Variants in DENND11 observed in about 807,000 individuals in gnomAD.
DENND11 encodes the protein DENN domain containing 11.
A neutral mutation model predicts 49.2 loss-of-function variants in DENND11; 34 were observed. The observed-to-expected ratio is 0.69, with a 90% confidence interval of 0.53 to 0.92. The LOEUF is 0.92. Among genes scored for constraint, DENND11 ranks in the 40% least tolerant of loss-of-function variants. The pLI is 0.00. For missense variants in DENND11, 475 were observed against 581.6 expected (o/e 0.82, Z 1.88); for synonymous variants, 238 against 230.3 (o/e 1.03, Z -0.30).
At chr7:141,699,541 C>T (rs1798471901) in intron 1 of DENND11, among the ~76,000 whole-genome samples, 3 of 152,030 alleles carry the variant, frequency 2.0e-5, no homozygotes. Context: ...ACTGCTTTCC[C>T]CCCACAAAAA....
chr7:141,689,459 A>G (rs953540009), intron 1 of DENND11, among the ~76,000 whole-genome samples: 1 of 152,198 alleles, frequency 6.6e-6, no homozygotes, highest in Non-Finnish European at 1.5e-5. Flanking sequence ...TCAGCAGGGA[A>G]GGGGAAGAAA....
chr7:141,667,009 C>T (rs1024450627), intron 4 of DENND11, among the ~76,000 whole-genome samples: 1 of 152,206 alleles, frequency 6.6e-6, no homozygotes, highest in Non-Finnish European at 1.5e-5. Context: ...ACTGCAACCT[C>T]TACCTCCTGG....
At chr7:141,683,937 T>C (rs190699767) in intron 3 of DENND11, among the ~76,000 whole-genome samples, 1 of 152,336 alleles carries the variant, frequency 6.6e-6, no homozygotes, top group Admixed American at 6.5e-5. Flanking sequence ...TTTTTATTTT[T>C]TTATTTTTTA....
At chr7:141,680,621 TGG>T (rs1798135036) in intron 3 of DENND11, among the ~76,000 whole-genome samples, 1 of 151,490 alleles carries the variant, frequency 6.6e-6, no homozygotes, top group African/African-American at 2.4e-5. Context: ...TGAACAGAGG[TGG>T]TGTGTTCAAC....
intron 1 of DENND11, among the ~76,000 whole-genome samples, chr7:141,698,602 A>G (rs1441525687): frequency 6.6e-6 from 1 of 152,172 alleles, no homozygotes; most frequent in African/African-American, 2.4e-5. Flanking sequence ...AATAAGCTTT[A>G]AGACTCTTTC....
chr7:141,687,622 A>G (rs1422537733), intron 1 of DENND11, among the ~76,000 whole-genome samples: 4 of 130,164 alleles, frequency 3.1e-5, no homozygotes, highest in East Asian at 4.8e-4. Flanking sequence ...ATACCAGCAC[A>G]CTCGGCTAAT....
intron 4 of DENND11, among the ~76,000 whole-genome samples, chr7:141,667,709 T>C (rs1286851913): frequency 2.6e-5 from 4 of 152,124 alleles, no homozygotes; most frequent in Non-Finnish European, 5.9e-5. Flanking sequence ...CAGAGGCACC[T>C]ATACCCGAGC....
chr7:141,689,320 G>A (rs1343564429), intron 1 of DENND11, among the ~76,000 whole-genome samples: 2 of 152,160 alleles, frequency 1.3e-5, no homozygotes, highest in Non-Finnish European at 2.9e-5. Context: ...GATGGAGCTG[G>A]AAGCCATTAT....
chr7:141,679,331 TA>T lies in DENND11; in HGVS notation c.528-5112del, dbSNP rs367587123. ...CACCTACATGACAAGAAGGCAATGT[TA>T]AAAGACAAATGAAAAAGTGGTAAAA... On this transcript the variant is annotated intron_variant, in intron 3 of 8. Transcript: ENST00000536163. 2.0e-3 allele frequency among the ~76,000 whole-genome samples: 300 copies of T among 152,258 alleles called. 1 individual carries two copies. Among genetic ancestry groups the T allele is most frequent in the African/African-American group, 6.7e-3 (280 of 41,540 alleles).
chr7:141,682,145 A>T (rs1396261392), intron 3 of DENND11, among the ~76,000 whole-genome samples: 3 of 152,194 alleles, frequency 2.0e-5, no homozygotes, highest in Admixed American at 2.0e-4. Flanking sequence ...GGTAAGAAGA[A>T]CCATGCCCTG....
chr7:141,701,843 AC>A (rs1468325851), intron 1 of DENND11, 42 bp downstream of exon 1: 2 of 1,149,392 alleles, frequency 1.7e-6, no homozygotes, highest in Non-Finnish European at 2.1e-6. Flanking sequence ...GCTCGGGGGC[AC>A]CCCGACCCTC....
chr7:141,672,983 A>G (rs1013579371), intron 4 of DENND11, among the ~76,000 whole-genome samples: 7 of 152,138 alleles, frequency 4.6e-5, no homozygotes, highest in South Asian at 4.1e-4. Flanking sequence ...ATTTCAGCCT[A>G]TTTCTCCAAT....
chr7:141,662,885 CG>C (rs199714614), intron 8 of DENND11, 34 bp from the exon 9 acceptor site: 28 of 1,466,704 alleles, frequency 1.9e-5, no homozygotes, highest in Admixed American at 9.6e-5. Flanking sequence ...GGAAAGGAAG[CG>C]GGGGGGAATA....
rs753471148 is a variant in DENND11, at chr7:141,664,154, C to T, written c.1172+18G>A. On this transcript the variant is annotated intron_variant, in intron 8 of 8. Transcript: ENST00000536163. ...GGGATCCTCAGGGAGACTCCACATC[C>T]ACGGCCCCAGGACTCACAGCACGAA... 6.4e-7 allele frequency: 1 copy of T among 1,564,676 alleles called. No homozygotes were observed.
At chr7:141,700,477 GAA>G (rs201716585) in intron 1 of DENND11, among the ~76,000 whole-genome samples, 5 of 117,600 alleles carry the variant, frequency 4.3e-5, no homozygotes, top group Non-Finnish European at 7.0e-5. Context: ...GACACTGTCT[GAA>G]AAAAAAAAAA....
At chr7:141,664,862 G>T in intron 7 of DENND11, 42 bp downstream of exon 7, 1 of 1,582,362 alleles carries the variant, frequency 6.3e-7, no homozygotes, top group Non-Finnish European at 8.6e-7. Flanking sequence ...GAGCTGCCCT[G>T]AGGAGGGTGG....
At chr7:141,701,248 C>T (rs1798507336) in intron 1 of DENND11, among the ~76,000 whole-genome samples, 1 of 152,068 alleles carries the variant, frequency 6.6e-6, no homozygotes. Context: ...CAGCTGAATC[C>T]CTCAGCCCCA....
At chr7:141,665,423 A>G in intron 5 of DENND11, 105 bp from the exon 6 acceptor site, 1 of 1,475,034 alleles carries the variant, frequency 6.8e-7, no homozygotes, top group Non-Finnish European at 9.2e-7. Flanking sequence ...CTGGTGCTTC[A>G]GGATCCAGGT....
At chr7:141,665,799 C>T (rs974897233) in intron 5 of DENND11, among the ~76,000 whole-genome samples, 1 of 151,994 alleles carries the variant, frequency 6.6e-6, no homozygotes, top group Non-Finnish European at 1.5e-5. Flanking sequence ...AGCTCAAACG[C>T]CCACAGGTCC....
Sources: gnomAD v4.1 joint callset for allele counts (sites outside exome capture counted in the v4.1 genomes callset) on GRCh38, gnomAD v4.1.1 for gene constraint, MANE v1.5 for transcripts, NCBI Gene and HGNC (gene_info 2026-07-23, HGNC 2026-07-21) for gene names.